SGK3: variants seen among roughly 807,000 people sequenced by gnomAD.
SGK3 encodes the protein serum/glucocorticoid regulated kinase family member 3.
Under a neutral mutation model 68.5 loss-of-function variants are expected in SGK3, and 47 were observed. That is an observed-to-expected ratio of 0.69 (90% CI 0.54 to 0.87). The LOEUF (loss-of-function observed/expected upper bound fraction) is 0.87, where lower values mean the gene tolerates loss of function less well. Among genes scored for constraint, SGK3 ranks in the 40% least tolerant of loss-of-function variants. The pLI is 0.00. For missense variants in SGK3, 479 were observed against 575.5 expected (o/e 0.83, Z 1.72); for synonymous variants, 181 against 189.1 (o/e 0.96, Z 0.35).
intron 1 of SGK3, among the ~76,000 whole-genome samples, chr8:66,789,756 T>A (rs1452385079): frequency 6.6e-6 from 1 of 152,164 alleles, no homozygotes; most frequent in Non-Finnish European, 1.5e-5. Flanking sequence ...TGGAGAAAGA[T>A]CAACAGTATA....
At chr8:66,849,529 C>T (rs376033239) in intron 15 of SGK3, among the ~76,000 whole-genome samples, 18 of 152,170 alleles carry the variant, frequency 1.2e-4, no homozygotes, top group Admixed American at 7.2e-4. Context: ...GCTATTTTTC[C>T]CTTATCTGGT....
intron 1 of SGK3, among the ~76,000 whole-genome samples, chr8:66,772,724 C>A (rs554730035): frequency 1.3e-5 from 2 of 152,198 alleles, no homozygotes; most frequent in East Asian, 1.9e-4. Flanking sequence ...CCACGCCTGG[C>A]TAATTCTTTT....
At chr8:66,837,752 C>G (rs117138113) in intron 10 of SGK3, among the ~76,000 whole-genome samples, 3,936 of 152,216 alleles carry the variant, frequency 0.026, 74 homozygotes, top group Middle Eastern at 0.041. Context: ...CAACTGTACT[C>G]CAGCCTGGGT....
chr8:66,757,639 G>T (rs1446061835), intron 1 of SGK3, among the ~76,000 whole-genome samples: 2 of 151,850 alleles, frequency 1.3e-5, no homozygotes, highest in Non-Finnish European at 2.9e-5. Context: ...ATATGGCCAG[G>T]TGCAGTGGCT....
chr8:66,847,146 C>T, intron 14 of SGK3, 47 bp from the exon 15 acceptor site: 2 of 1,577,528 alleles, frequency 1.3e-6, no homozygotes, highest in Non-Finnish European at 1.7e-6. Flanking sequence ...CCCATTTGCG[C>T]ATAATTTGTT....
intron 1 of SGK3, among the ~76,000 whole-genome samples, chr8:66,717,042 A>AG: frequency 6.6e-6 from 1 of 151,870 alleles, no homozygotes; most frequent in Admixed American, 6.6e-5. Flanking sequence ...CTAAAAAAAA[A>AG]AAAAATACAT....
At chr8:66,827,303 A>G (rs770332197) in intron 6 of SGK3, among the ~76,000 whole-genome samples, 5 of 151,296 alleles carry the variant, frequency 3.3e-5, no homozygotes, top group Non-Finnish European at 7.4e-5. Flanking sequence ...AATCGTTTGA[A>G]CCAAGGAGGT....
chr8:66,814,161 A>G (rs567972276), intron 5 of SGK3, among the ~76,000 whole-genome samples: 1 of 152,090 alleles, frequency 6.6e-6, no homozygotes, highest in Non-Finnish European at 1.5e-5. Context: ...ACTTGAAATG[A>G]ATTTGCATAA....
rs34499404 is a variant in SGK3 at position 66,756,569 on chromosome 8, C to CTTTT, written c.-121-37022_-121-37019dup. Reference sequence around the variant, plus strand: ...ATCTTGAAATTGAGGCATGCATCTACTTTTTTTTTTTTTTTTTTTTTTTTT... The same window carrying CTTTT: ...ATCTTGAAATTGAGGCATGCATCTACTTTTTTTTTTTTTTTTTTTTTTTTTTTTT... On this transcript the variant is annotated intron_variant, in intron 1 of 16. Transcript: ENST00000521198. Among the ~76,000 whole-genome samples, 15 of 77,928 alleles carry CTTTT rather than the reference C, an allele frequency of 1.9e-4. 2 individuals carry two copies. Among genetic ancestry groups the CTTTT allele is most frequent in the Non-Finnish European group, 3.6e-4 (14 of 38,694 alleles). The allele number at this position is 77,928 out of a possible 152,430, so 51.1% of individuals were successfully genotyped here. A position where few individuals can be genotyped will look rare whatever the true frequency, so the allele number is the denominator to read the frequency against.
chr8:66,857,364 T>C (rs1052453908), intron 16 of SGK3, among the ~76,000 whole-genome samples: 2 of 152,180 alleles, frequency 1.3e-5, no homozygotes, highest in Non-Finnish European at 2.9e-5. Context: ...CAGCACACCC[T>C]CAGTTAGACT....
chr8:66,838,876 T>C (rs2130716935), intron 10 of SGK3, among the ~76,000 whole-genome samples: 1 of 152,312 alleles, frequency 6.6e-6, no homozygotes, highest in African/African-American at 2.4e-5. Context: ...AATACTTAGC[T>C]TTGTATACTA....
intron 1 of SGK3, among the ~76,000 whole-genome samples, chr8:66,789,722 T>C (rs1029749196): frequency 3.3e-5 from 5 of 152,156 alleles, no homozygotes; most frequent in Non-Finnish European, 7.3e-5. Context: ...GGAAAATTGC[T>C]GCAGGTCCTT....
At chr8:66,804,498 G>A (rs764864627) in intron 4 of SGK3, 51 bp downstream of exon 4, 7 of 1,578,378 alleles carry the variant, frequency 4.4e-6, no homozygotes, top group Middle Eastern at 3.6e-4. Context: ...GAAGTTTGAA[G>A]AAGTAAATTA....
At chr8:66,746,338 G>A (rs923167022) in intron 1 of SGK3, among the ~76,000 whole-genome samples, 1 of 152,152 alleles carries the variant, frequency 6.6e-6, no homozygotes, top group African/African-American at 2.4e-5. Flanking sequence ...GAGAAAAGAT[G>A]AAACATCTTT....
intron 1 of SGK3, among the ~76,000 whole-genome samples, chr8:66,774,940 C>T (rs1806634962): frequency 6.6e-6 from 1 of 152,184 alleles, no homozygotes; most frequent in African/African-American, 2.4e-5. Flanking sequence ...CCTTCTCATT[C>T]CTTGCCCCCG....
intron 1 of SGK3, among the ~76,000 whole-genome samples, chr8:66,751,343 G>A (rs1434213057): frequency 6.6e-6 from 1 of 151,944 alleles, no homozygotes; most frequent in Non-Finnish European, 1.5e-5. Context: ...ATTTTTATAG[G>A]GCATTTCTGT....
intron 1 of SGK3, among the ~76,000 whole-genome samples, chr8:66,720,450 T>C (rs904095753): frequency 6.6e-6 from 1 of 152,048 alleles, no homozygotes; most frequent in African/African-American, 2.4e-5. Context: ...CTGGGCAACA[T>C]GGTGAAACCT....
At chr8:66,843,389 T>G (rs949769533) in intron 13 of SGK3, 63 bp from the exon 14 acceptor site, 1 of 1,503,668 alleles carries the variant, frequency 6.7e-7, no homozygotes, top group African/African-American at 1.4e-5. Flanking sequence ...ATTTCTCAAT[T>G]ATTTATAAAT....
chr8:66,846,459 C>T lies in SGK3; in HGVS notation c.1075-734C>T, dbSNP rs1252690327. Among the ~76,000 whole-genome samples, 8 of 152,206 alleles carry T rather than the reference C, an allele frequency of 5.3e-5. No individual in the cohort carries two copies. In the South Asian group the frequency reaches 1.2e-3, roughly 24 times the overall value. ...TCTCCTGAGTAGATGAGACTACTGG[C>T]GTACACCACCATGCCCAGCTGGTTT... On this transcript the variant is annotated intron_variant, in intron 14 of 16. Transcript: ENST00000521198.
Sources: allele counts gnomAD v4.1 joint callset (sites outside exome capture counted in the v4.1 genomes callset), GRCh38; gene constraint gnomAD v4.1.1; transcripts MANE v1.5; gene names NCBI Gene and HGNC (gene_info 2026-07-23, HGNC 2026-07-21).